Variants in NDUFAF6 observed in about 807,000 individuals in gnomAD.
The protein encoded by NDUFAF6 is NADH:ubiquinone oxidoreductase complex assembly factor 6, also known as NADH dehydrogenase (ubiquinone) complex I, assembly factor 6.
In NDUFAF6, 45 loss-of-function variants were observed where a neutral mutation model predicts 40.8. The observed-to-expected ratio is 1.10, with a 90% CI of 0.87 to 1.42. The LOEUF is 1.42. Among genes scored for constraint, NDUFAF6 ranks in the 40% most tolerant of loss-of-function variants. The pLI, the probability that NDUFAF6 is intolerant of heterozygous loss-of-function variation, is 0.00. For synonymous variants in NDUFAF6, 185 were observed against 155.9 expected (o/e 1.19, Z -1.39); for missense variants, 435 against 418.5 (o/e 1.04, Z -0.34).
intron 1 of NDUFAF6, among the ~76,000 whole-genome samples, chr8:94,934,918 G>A (rs932287485): frequency 7.9e-5 from 12 of 152,082 alleles, no homozygotes; most frequent in Non-Finnish European, 1.5e-5. Context: ...ATATAGCCTG[G>A]CATCATGTAA....
chr8:94,996,618 G>C (rs1450952521), intron 2 of NDUFAF6, among the ~76,000 whole-genome samples: 2 of 152,210 alleles, frequency 1.3e-5, no homozygotes, highest in Non-Finnish European at 2.9e-5. Flanking sequence ...TCACCGTGCA[G>C]AGAAAGTAGA....
rs1827930388 is a variant in NDUFAF6 at position 95,025,107 on chromosome 8, G to C, written c.99G>C (p.Met33Ile). The C allele has an allele frequency of 6.7e-7, 1 of 1,481,514 alleles. No individual in the cohort carries two copies. The highest frequency in any genetic ancestry group is 8.9e-7 in the Non-Finnish European group (1 of 1,126,242). The allele number at this position is 1,481,514 out of a possible 1,614,324, so 91.8% of individuals were successfully genotyped here. Residue 33 changes from methionine to isoleucine, a missense_variant, in exon 1 of 9, where the codon ATG (methionine) becomes ATC (isoleucine). Met to Ile is a conservative substitution (Grantham distance 10, BLOSUM62 1). Transcript: ENST00000396124. ...CGCCTCTGGGTCTGTACGCGCGCAT[G>C]CGGCGGCTGCCCGGGCCGGAGGTGT... ...RRPPLGLYAR[M>I]RRLPGPEVSG...
At chr8:94,917,925 C>G (rs1008948499) in intron 1 of NDUFAF6, among the ~76,000 whole-genome samples, 2 of 152,182 alleles carry the variant, frequency 1.3e-5, no homozygotes, top group African/African-American at 4.8e-5. Context: ...GTGGAAGCCT[C>G]TTTATGCTCA....
intron 1 of NDUFAF6, among the ~76,000 whole-genome samples, chr8:94,897,626 A>C (rs1470222247): frequency 6.6e-6 from 1 of 152,092 alleles, no homozygotes; most frequent in African/African-American, 2.4e-5. Context: ...TTCAGGAGGA[A>C]AAAACCCCAG....
At chr8:95,018,387 C>T (rs912111589) in intron 2 of NDUFAF6, among the ~76,000 whole-genome samples, 7 of 151,898 alleles carry the variant, frequency 4.6e-5, no homozygotes, top group Non-Finnish European at 2.9e-5. Context: ...GTGAGGGTTT[C>T]TTTTTACCTC....
intron 2 of NDUFAF6, among the ~76,000 whole-genome samples, chr8:94,985,465 A>G (rs1258694968): frequency 8.3e-5 from 6 of 72,142 alleles, no homozygotes; most frequent in African/African-American, 2.6e-4. Context: ...GAAAAACAAT[A>G]ATTATATATA....
At chr8:95,083,483 G>A (rs1808943420) in intron 2 of NDUFAF6, among the ~76,000 whole-genome samples, 2 of 152,126 alleles carry the variant, frequency 1.3e-5, no homozygotes. Flanking sequence ...CTTTTCACAT[G>A]CCTACTCATC....
upstream of NDUFAF6, among the ~76,000 whole-genome samples, chr8:95,024,791 C>T (rs1215918326): frequency 6.6e-6 from 1 of 152,172 alleles, no homozygotes; most frequent in African/African-American, 2.4e-5. Context: ...CAGGAGGGGT[C>T]GGACGGACTT....
intron 7 of NDUFAF6, 110 bp downstream of exon 7, chr8:95,048,668 T>C (rs899204157): frequency 2.5e-6 from 2 of 815,200 alleles, no homozygotes; most frequent in Non-Finnish European, 4.2e-6. Flanking sequence ...TTTTCCATTT[T>C]TCATTGATTT....
chr8:94,939,659 A>C (rs1035994192), intron 1 of NDUFAF6: 1 of 727,112 alleles, frequency 1.4e-6, no homozygotes, highest in Non-Finnish European at 2.2e-6. Flanking sequence ...TGGCCTCCCA[A>C]AGTGCTGGGA....
rs753000334 is a variant in NDUFAF6, at chr8:95,047,165, A to G, written c.714+38A>G. The G allele has an allele frequency of 3.1e-6, 5 of 1,613,728 alleles. No individual in the cohort carries two copies. In the South Asian group the frequency reaches 4.4e-5, roughly 14 times the overall value. ...TTTGTACCTTTGAATAATTTACCTC[A>G]GGAATATGGGGAAGGAAGTTATCTT... On this transcript the variant is annotated intron_variant, in intron 6 of 8. Transcript: ENST00000396124.
At chr8:94,919,554 G>A (rs2123647) in intron 1 of NDUFAF6, among the ~76,000 whole-genome samples, 96,833 of 152,006 alleles carry the variant, frequency 0.64, 31,348 homozygotes, top group East Asian at 0.79. Context: ...CATTTTCAGA[G>A]CTACCAGGAA....
At chr8:94,969,472 T>C (rs1255485316) in intron 1 of NDUFAF6, among the ~76,000 whole-genome samples, 2 of 152,072 alleles carry the variant, frequency 1.3e-5, no homozygotes, top group Admixed American at 6.5e-5. Context: ...AGCTGGACAA[T>C]ATTGGATTTG....
chr8:95,062,398 CAA>C (rs1182423860), downstream of NDUFAF6, among the ~76,000 whole-genome samples: 1 of 152,104 alleles, frequency 6.6e-6, no homozygotes. Context: ...TAATATTGTA[CAA>C]AAGACACAGA....
chr8:94,925,788 C>T (rs998162834), intron 1 of NDUFAF6, among the ~76,000 whole-genome samples: 2 of 152,188 alleles, frequency 1.3e-5, no homozygotes, highest in African/African-American at 4.8e-5. Flanking sequence ...GATGTGCCTG[C>T]CTTGGCCTTC....
intron 2 of NDUFAF6, chr8:94,981,034 C>T: frequency 2.2e-6 from 1 of 453,838 alleles, no homozygotes. Context: ...TTTCCCCCAC[C>T]CCAGTATTAC....
chr8:94,934,621 C>G (rs535835568), intron 1 of NDUFAF6, among the ~76,000 whole-genome samples: 1 of 152,122 alleles, frequency 6.6e-6, no homozygotes, highest in African/African-American at 2.4e-5. Context: ...ACCTCGTGAT[C>G]CACCCACCCC....
At chr8:95,116,926 G>A (rs2044900), downstream of NDUFAF6, among the ~76,000 whole-genome samples, 74,585 of 152,032 alleles carry the variant, frequency 0.49, 20,007 homozygotes, top group East Asian at 0.98. Flanking sequence ...TCCACTGTAT[G>A]AACTGCATCC....
chr8:95,078,181 T>G (rs1196856880), downstream of NDUFAF6, among the ~76,000 whole-genome samples: 1 of 152,104 alleles, frequency 6.6e-6, no homozygotes, highest in Non-Finnish European at 1.5e-5. Flanking sequence ...GGAGAGAGTT[T>G]CAGAGGGTTC....
Sources: allele counts gnomAD v4.1 joint callset (sites outside exome capture counted in the v4.1 genomes callset), GRCh38; gene constraint gnomAD v4.1.1; transcripts MANE v1.5; gene names NCBI Gene and HGNC (gene_info 2026-07-23, HGNC 2026-07-21).